The following SMURF1 variants were observed in gnomAD, a reference collection of about 807,000 sequenced individuals.
SMURF1 encodes the protein E3 ubiquitin-protein ligase SMURF1.
Under a neutral mutation model 98.0 loss-of-function variants are expected in SMURF1, and 44 were observed. That is an observed-to-expected ratio of 0.45 (90% CI 0.35 to 0.58). SMURF1 has a LOEUF of 0.58. Ranked by LOEUF, SMURF1 falls within the 20% of genes least tolerant of loss-of-function variation. SMURF1 has a pLI of 0.00. For synonymous variants in SMURF1, 396 were observed against 374.9 expected (o/e 1.06, Z -0.65); for missense variants, 687 against 938.4 (o/e 0.73, Z 3.50).
chr7:99,079,724 T>C (rs930546352), intron 1 of SMURF1, among the ~76,000 whole-genome samples: 3 of 152,014 alleles, frequency 2.0e-5, no homozygotes, highest in Non-Finnish European at 2.9e-5. Flanking sequence ...TTTTAAACAG[T>C]TTTAAATAAC....
chr7:99,143,977 G>A lies in SMURF1; in HGVS notation c.-197C>T. 2 of 417,936 alleles carry A rather than the reference G, an allele frequency of 4.8e-6. No homozygotes were observed. The highest frequency in any genetic ancestry group is 4.8e-5 in the Admixed American group (1 of 20,912). The allele number at this position is 417,936 out of a possible 1,614,324, so 25.9% of individuals were successfully genotyped here. A position where few individuals can be genotyped will look rare whatever the true frequency, so the allele number is the denominator to read the frequency against. Reference sequence around the variant, plus strand: ...CCGGGAGATCGGCGCTTGCTGCGGCGCTCTGACCCTCGCTGCTTCCAGCCG... The same window carrying A: ...CCGGGAGATCGGCGCTTGCTGCGGCACTCTGACCCTCGCTGCTTCCAGCCG... On this transcript the variant is annotated 5_prime_UTR_variant, in exon 1 of 18. Coordinates refer to ENST00000361368, the MANE Select transcript of SMURF1 (RefSeq NM_181349.3).
chr7:99,074,531 C>T (rs73709536), intron 1 of SMURF1, among the ~76,000 whole-genome samples: 2,016 of 152,244 alleles, frequency 0.013, 36 homozygotes, highest in African/African-American at 0.044. Flanking sequence ...CCTTACCTCA[C>T]ATCATACACA....
At chr7:99,054,888 G>A (rs762299032) in intron 5 of SMURF1, 23 bp from the exon 6 acceptor site, 1 of 1,610,184 alleles carries the variant, frequency 6.2e-7, no homozygotes, top group South Asian at 1.1e-5. Flanking sequence ...AGAACGACTT[G>A]TGTTAAAACC....
chr7:99,106,858 C>T (rs1434319253), intron 1 of SMURF1, among the ~76,000 whole-genome samples: 1 of 152,178 alleles, frequency 6.6e-6, no homozygotes, highest in South Asian at 2.1e-4. Context: ...CAGCTCTTTG[C>T]TTGTTTCGTT....
intron 1 of SMURF1, among the ~76,000 whole-genome samples, chr7:99,089,207 A>C (rs1584165972): frequency 6.6e-6 from 1 of 151,826 alleles, no homozygotes; most frequent in East Asian, 1.9e-4. Flanking sequence ...TGTCAAAAAA[A>C]AAAAAAAGAA....
At chr7:99,035,790 GAC>G in intron 15 of SMURF1, 74 bp from the exon 16 acceptor site, 1 of 1,423,026 alleles carries the variant, frequency 7.0e-7, no homozygotes, top group Non-Finnish European at 9.7e-7. Flanking sequence ...CTAGGTACCC[GAC>G]ACACAACAGT....
intron 1 of SMURF1, among the ~76,000 whole-genome samples, chr7:99,127,027 T>C (rs1262724545): frequency 6.6e-6 from 1 of 152,188 alleles, no homozygotes; most frequent in Non-Finnish European, 1.5e-5. Flanking sequence ...TCTAGGCTGA[T>C]AGAGGCTCCA....
chr7:99,047,979 G>A, intron 9 of SMURF1, 97 bp from the exon 10 acceptor site: 2 of 1,110,592 alleles, frequency 1.8e-6, no homozygotes, highest in African/African-American at 3.1e-5. Flanking sequence ...AGAGCTAGCT[G>A]CACACAACTT....
intron 17 of SMURF1, 40 bp downstream of exon 17, chr7:99,032,997 G>A: frequency 1.9e-6 from 3 of 1,593,804 alleles, no homozygotes; most frequent in South Asian, 2.3e-5. Context: ...CATCCTCTGG[G>A]GCTCCCAGGA....
At chr7:99,040,964 GAA>G (rs2150509416) in intron 12 of SMURF1, among the ~76,000 whole-genome samples, 1 of 152,262 alleles carries the variant, frequency 6.6e-6, no homozygotes, top group African/African-American at 2.4e-5. Flanking sequence ...GCACAGGAAA[GAA>G]AAGGGCAAGT....
intron 1 of SMURF1, among the ~76,000 whole-genome samples, chr7:99,083,730 C>T (rs922181066): frequency 6.6e-6 from 1 of 151,986 alleles, no homozygotes; most frequent in Admixed American, 6.5e-5. Context: ...GATTTCAAAC[C>T]CCCCCAAAAT....
At chr7:99,128,654 C>G (rs1173168438) in intron 1 of SMURF1, among the ~76,000 whole-genome samples, 1 of 152,184 alleles carries the variant, frequency 6.6e-6, no homozygotes, top group East Asian at 1.9e-4. Context: ...CCACGCATTG[C>G]TTTCAAATAT....
intron 17 of SMURF1, chr7:99,032,762 G>C: frequency 2.2e-6 from 1 of 453,400 alleles, no homozygotes. Context: ...AATAATGTTG[G>C]CCCTCTTACA....
chr7:99,095,665 G>A (rs1158004321), intron 1 of SMURF1, among the ~76,000 whole-genome samples: 1 of 152,208 alleles, frequency 6.6e-6, no homozygotes, highest in Non-Finnish European at 1.5e-5. Flanking sequence ...CTATGCACAG[G>A]CAATGGACTA....
intron 14 of SMURF1, 114 bp downstream of exon 14, chr7:99,038,274 A>G (rs1401782540): frequency 1.6e-6 from 2 of 1,287,690 alleles, no homozygotes; most frequent in Non-Finnish European, 1.1e-6. Flanking sequence ...TGATCTGATC[A>G]TAAGCACCAG....
At chr7:99,063,635 A>C (rs1796120226) in intron 1 of SMURF1, among the ~76,000 whole-genome samples, 1 of 151,902 alleles carries the variant, frequency 6.6e-6, no homozygotes, top group East Asian at 1.9e-4. Context: ...TAAAGTGTGC[A>C]ATACAGTGGT....
chr7:99,069,459 A>G (rs7790526), intron 1 of SMURF1, among the ~76,000 whole-genome samples: 62,128 of 151,996 alleles, frequency 0.41, 15,573 homozygotes, highest in Non-Finnish European at 0.54. Context: ...CCTGGGCTCC[A>G]GTGATGCTCC....
intron 9 of SMURF1, 41 bp from the exon 10 acceptor site, chr7:99,047,923 G>A: frequency 6.3e-7 from 1 of 1,597,648 alleles, no homozygotes; most frequent in Middle Eastern, 2.1e-4. Flanking sequence ...CGAAGCCCCG[G>A]CCAGGGGAGC....
intron 15 of SMURF1, 79 bp downstream of exon 15, chr7:99,036,988 C>T: frequency 6.2e-7 from 1 of 1,603,948 alleles, no homozygotes; most frequent in South Asian, 1.1e-5. Context: ...CACACACTGC[C>T]CCCTGCAGCA....
Sources: allele counts gnomAD v4.1 joint callset (sites outside exome capture counted in the v4.1 genomes callset), GRCh38; gene constraint gnomAD v4.1.1; transcripts MANE v1.5; gene names NCBI Gene and HGNC (gene_info 2026-07-23, HGNC 2026-07-21).